Variants in CLIC5 observed in about 807,000 individuals in gnomAD.
CLIC5 encodes CLIC family member 5.
A neutral mutation model predicts 24.7 loss-of-function variants in CLIC5; 20 were observed. That is an observed-to-expected ratio of 0.81 (90% CI 0.57 to 1.18). The LOEUF (loss-of-function observed/expected upper bound fraction) is 1.18. Ranked by LOEUF, CLIC5 falls within the 50% of genes most tolerant of loss-of-function variation. The probability of loss-of-function intolerance (pLI) is 0.00; values close to 1 mark genes in which losing one functional copy is unlikely to be tolerated. For missense variants in CLIC5, 341 were observed against 326.1 expected (o/e 1.05, Z -0.35); for synonymous variants, 159 against 135.6 (o/e 1.17, Z -1.20).
In CLIC5 at chr6:46,015,503, G is replaced by T; in HGVS notation, c.40C>A (p.Pro14Thr). 6.4e-7 allele frequency: 1 copy of T among 1,568,596 alleles called. No homozygotes were observed. Among genetic ancestry groups the T allele is most frequent in the Non-Finnish European group, 8.6e-7 (1 of 1,158,508 alleles). Residue 14 changes from proline (P) to threonine (T), a missense_variant, in exon 1 of 6, where the codon CCC (proline) becomes ACC (threonine). Coordinates refer to ENST00000339561, the MANE Select transcript of CLIC5 (RefSeq NM_016929.5). ...SATANGDDRD[P>T]EIELFVKAGI... is the part of the protein sequence containing the mutation. ...ACCTTCACAAAGAGCTCGATCTCGG[G>T]GTCCCTGTCGTCCCCGTTAGCTGTC...
intron 1 of CLIC5, among the ~76,000 whole-genome samples, chr6:45,984,827 G>A (rs537338222): frequency 6.6e-6 from 1 of 152,300 alleles, no homozygotes; most frequent in East Asian, 1.9e-4. Context: ...TTAAAGATGA[G>A]ATGACTGGGT....
chr6:45,919,789 C>CT (rs1763181143), intron 4 of CLIC5, among the ~76,000 whole-genome samples: 1 of 152,166 alleles, frequency 6.6e-6, no homozygotes, highest in Non-Finnish European at 1.5e-5. Context: ...ATATTGAATT[C>CT]TTTTTTCTGT....
At chr6:45,892,906 T>C (rs773050343) in intron 6 of CLIC5, among the ~76,000 whole-genome samples, 2 of 152,222 alleles carry the variant, frequency 1.3e-5, no homozygotes, top group Non-Finnish European at 2.9e-5. Flanking sequence ...GCTTTTATTA[T>C]TGACTTTGGA....
intron 4 of CLIC5, among the ~76,000 whole-genome samples, chr6:45,924,023 G>T (rs1763378420): frequency 6.6e-6 from 1 of 152,206 alleles, no homozygotes; most frequent in African/African-American, 2.4e-5. Flanking sequence ...TGCCCGGCAT[G>T]CTGTAAGCAG....
At chr6:45,951,168 T>C (rs1403106695) in intron 2 of CLIC5, among the ~76,000 whole-genome samples, 4 of 152,156 alleles carry the variant, frequency 2.6e-5, no homozygotes, top group East Asian at 1.9e-4. Flanking sequence ...GAAAGCTCTT[T>C]GGTGTGCCTG....
intron 1 of CLIC5, among the ~76,000 whole-genome samples, chr6:46,025,634 T>G (rs1164902047): frequency 6.6e-6 from 1 of 152,174 alleles, no homozygotes; most frequent in Non-Finnish European, 1.5e-5. Context: ...GAAGATCAGC[T>G]GCTGAATCAT....
At chr6:46,075,393 C>A (rs1295621690) in intron 1 of CLIC5, among the ~76,000 whole-genome samples, 2 of 151,846 alleles carry the variant, frequency 1.3e-5, no homozygotes, top group African/African-American at 4.8e-5. Flanking sequence ...CGGGGCAAGA[C>A]CCTGTCTCTA....
intron 4 of CLIC5, among the ~76,000 whole-genome samples, chr6:45,941,217 G>T (rs1180212736): frequency 1.3e-5 from 2 of 152,192 alleles, no homozygotes; most frequent in Non-Finnish European, 2.9e-5. Context: ...GGGAACTTGG[G>T]ACAAATGGGC....
At chr6:45,940,814 T>C (rs558727189) in intron 4 of CLIC5, among the ~76,000 whole-genome samples, 1 of 152,288 alleles carries the variant, frequency 6.6e-6, no homozygotes, top group Admixed American at 6.5e-5. Flanking sequence ...GTTCTTCAAG[T>C]GTTATACCTG....
rs147203609 is a variant in CLIC5, at chr6:46,011,373, C to T, written c.63+4107G>A. On this transcript the variant is annotated intron_variant, in intron 1 of 5. Transcript: ENST00000339561. ...TGGCAGAAGCTGCCTGCTATTGGACCTGCCTCTGATTATGACTCAGTGGCT... is the reference window on the plus strand; with the variant it reads ...TGGCAGAAGCTGCCTGCTATTGGACTTGCCTCTGATTATGACTCAGTGGCT... Among the ~76,000 whole-genome samples, 333 of 152,342 alleles carry T rather than the reference C, an allele frequency of 2.2e-3. 5 individuals are homozygous for T. Among genetic ancestry groups the T allele is most frequent in the African/African-American group, 6.9e-3 (288 of 41,572 alleles).
chr6:45,990,525 C>T (rs1231205144), intron 1 of CLIC5, among the ~76,000 whole-genome samples: 1 of 152,216 alleles, frequency 6.6e-6, no homozygotes, highest in Non-Finnish European at 1.5e-5. Flanking sequence ...TAGCATCACA[C>T]AAGCTCTCTG....
intron 1 of CLIC5, among the ~76,000 whole-genome samples, chr6:46,070,020 C>T (rs1202277455): frequency 6.6e-6 from 1 of 152,146 alleles, no homozygotes; most frequent in Non-Finnish European, 1.5e-5. Flanking sequence ...TAAAATTCAA[C>T]ATCCCTTCAT....
rs140645158 is a variant in CLIC5, at chr6:46,007,594, A to G, written c.63+7886T>C. Among the ~76,000 whole-genome samples, 64 of 152,256 alleles carry G rather than the reference A, an allele frequency of 4.2e-4. No individual in the cohort carries two copies. The East Asian group carries it at 0.012, about 28-fold the overall frequency. On this transcript the variant is annotated intron_variant, in intron 1 of 5. Transcript: ENST00000339561. ...GCCTCAGGGCTCTCCTTATTCCAAC[A>G]TGGTCACAGTGAATGCAGCCGTAAT...
At chr6:46,049,477 A>G (rs892444066) in intron 1 of CLIC5, among the ~76,000 whole-genome samples, 4 of 152,132 alleles carry the variant, frequency 2.6e-5, no homozygotes, top group Non-Finnish European at 5.9e-5. Context: ...CTGATATAGG[A>G]GACAATGAAA....
At chr6:45,945,337 C>T (rs1057452458) in intron 3 of CLIC5, among the ~76,000 whole-genome samples, 20 of 152,190 alleles carry the variant, frequency 1.3e-4, no homozygotes, top group African/African-American at 4.6e-4. Context: ...AATATGCATA[C>T]TCACTAAATA....
the CLIC5 span, among the ~76,000 whole-genome samples, chr6:46,105,710 T>C: frequency 6.6e-6 from 1 of 152,238 alleles, no homozygotes. Flanking sequence ...TCTAAAGCTC[T>C]GCTCTATTTT....
At chr6:46,118,658 C>G in the CLIC5 span, among the ~76,000 whole-genome samples, 1 of 152,130 alleles carries the variant, frequency 6.6e-6, no homozygotes, top group Non-Finnish European at 1.5e-5. Context: ...TGATTTTAAC[C>G]AAACTTTCCA....
chr6:46,022,544 G>A (rs148042699), intron 1 of CLIC5, among the ~76,000 whole-genome samples: 1 of 152,316 alleles, frequency 6.6e-6, no homozygotes, highest in Admixed American at 6.5e-5. Flanking sequence ...CCTGCATGAG[G>A]TCACAGATTG....
intron 1 of CLIC5, among the ~76,000 whole-genome samples, chr6:46,041,470 C>T (rs1339641530): frequency 2.6e-5 from 4 of 152,172 alleles, no homozygotes. Flanking sequence ...CACTCCTTTC[C>T]TTAGAGTCTG....
Sources: gnomAD v4.1 joint callset for allele counts (sites outside exome capture counted in the v4.1 genomes callset) on GRCh38, gnomAD v4.1.1 for gene constraint, MANE v1.5 for transcripts, NCBI Gene and HGNC (gene_info 2026-07-23, HGNC 2026-07-21) for gene names.